Variants in CNTN3 observed in about 807,000 individuals in gnomAD.
CNTN3 encodes the protein contactin-3.
Under a neutral mutation model 119.1 loss-of-function variants are expected in CNTN3, and 60 were observed. The ratio of observed to expected loss-of-function variants is 0.50; its 90% CI spans 0.41 to 0.62. The LOEUF (loss-of-function observed/expected upper bound fraction) is 0.62, where lower values mean the gene tolerates loss of function less well. Ranked by LOEUF, CNTN3 falls within the 20% of genes least tolerant of loss-of-function variation. The pLI, the probability that CNTN3 is intolerant of heterozygous loss-of-function variation, is 0.00. For synonymous variants in CNTN3, 450 were observed against 438.7 expected, an observed-to-expected ratio of 1.03 and a Z score of -0.32; for missense variants, 1,101 against 1,242.4, an observed-to-expected ratio of 0.89 and a Z score of 1.71.
intron 6 of CNTN3, 38 bp from the exon 7 acceptor site, chr3:74,370,029 T>C: frequency 8.5e-7 from 1 of 1,175,514 alleles, no homozygotes; most frequent in Non-Finnish European, 1.2e-6. Context: ...GTTTCAATAT[T>C]TCCTTTAGAA....
chr3:74,473,812 GA>G (rs1702607326), intron 4 of CNTN3, among the ~76,000 whole-genome samples: 2 of 152,168 alleles, frequency 1.3e-5, no homozygotes, highest in African/African-American at 4.8e-5. Flanking sequence ...GGGTCTGGGT[GA>G]AAACATTCAC....
At chr3:74,425,043 C>CT (rs1208470073) in intron 4 of CNTN3, 103 bp from the exon 5 acceptor site, 14 of 751,748 alleles carry the variant, frequency 1.9e-5, no homozygotes, top group Non-Finnish European at 2.6e-5. Flanking sequence ...TTAGTTTTTG[C>CT]TTTTTTCTTT....
At chr3:74,288,159 C>CTTTTCTTTTCTTT (rs1487942663) in intron 19 of CNTN3, among the ~76,000 whole-genome samples, 4 of 90,376 alleles carry the variant, frequency 4.4e-5, no homozygotes, top group African/African-American at 1.3e-4. Context: ...CTTTTCTTTT[C>CTTTTCTTTTCTTT]TTTTTTTTTT....
At chr3:74,531,596 T>C (rs1012944199) in intron 1 of CNTN3, among the ~76,000 whole-genome samples, 3 of 151,768 alleles carry the variant, frequency 2.0e-5, no homozygotes, top group Admixed American at 1.3e-4. Context: ...GAGAAATGAC[T>C]CGGGGAAAGC....
chr3:74,539,805 T>C (rs530364726), intron 1 of CNTN3, among the ~76,000 whole-genome samples: 1 of 152,244 alleles, frequency 6.6e-6, no homozygotes, highest in East Asian at 1.9e-4. Context: ...AAAAAGAATG[T>C]GCAGTTACAA....
intron 1 of CNTN3, among the ~76,000 whole-genome samples, chr3:74,576,605 G>C (rs2106660299): frequency 6.6e-6 from 1 of 152,126 alleles, no homozygotes. Flanking sequence ...AAATCAGAGT[G>C]ATCACACTTA....
intron 1 of CNTN3, among the ~76,000 whole-genome samples, chr3:74,588,738 G>C (rs940429737): frequency 6.6e-6 from 1 of 152,120 alleles, no homozygotes; most frequent in African/African-American, 2.4e-5. Context: ...AAACAGCATG[G>C]TACTGGTACC....
At position 74,293,194 on chromosome 3, in the gene CNTN3, T is replaced by C. The variant is rs192422878; in HGVS notation, c.2517+1927A>G. ...TGGATTGAGTGGGTCCTGGGAGAGCTGTGGGAGCTCAATTTTAACAACACC... is the reference window on the plus strand; with the variant it reads ...TGGATTGAGTGGGTCCTGGGAGAGCCGTGGGAGCTCAATTTTAACAACACC... On this transcript the variant is annotated intron_variant, in intron 19 of 22. Coordinates refer to ENST00000263665, the MANE Select transcript of CNTN3 (RefSeq NM_020872.3). Among the ~76,000 whole-genome samples, 453 of 152,284 alleles carry C rather than the reference T, an allele frequency of 3.0e-3. 6 individuals carry two copies. The highest frequency in any genetic ancestry group is 0.011 in the African/African-American group (438 of 41,548).
At chr3:74,297,878 A>C in intron 18 of CNTN3, 79 bp downstream of exon 18, 1 of 1,093,600 alleles carries the variant, frequency 9.1e-7, no homozygotes, top group Non-Finnish European at 1.3e-6. Flanking sequence ...TTTGAAGTCA[A>C]AACGAGACTC....
At chr3:74,271,274 G>T (rs1701771153) in intron 20 of CNTN3, among the ~76,000 whole-genome samples, 1 of 152,120 alleles carries the variant, frequency 6.6e-6, no homozygotes, top group Admixed American at 6.6e-5. Context: ...CAGTATACAG[G>T]TAACAAAATA....
intron 13 of CNTN3, among the ~76,000 whole-genome samples, chr3:74,326,631 A>C (rs1216823031): frequency 6.6e-6 from 1 of 152,148 alleles, no homozygotes; most frequent in Non-Finnish European, 1.5e-5. Context: ...GCATCCAAGC[A>C]GTTGACTGAA....
chr3:74,500,444 A>G (rs1703147376), intron 2 of CNTN3, among the ~76,000 whole-genome samples: 1 of 151,536 alleles, frequency 6.6e-6, no homozygotes. Context: ...CCACCACCAA[A>G]TGCTTATGGG....
At chr3:74,348,850 A>G (rs1703753479) in intron 11 of CNTN3, among the ~76,000 whole-genome samples, 1 of 152,114 alleles carries the variant, frequency 6.6e-6, no homozygotes, top group African/African-American at 2.4e-5. Flanking sequence ...TGGAGGCAGA[A>G]GTAGGAGGAC....
chr3:74,584,922 C>T (rs1704570019), intron 1 of CNTN3, among the ~76,000 whole-genome samples: 1 of 152,100 alleles, frequency 6.6e-6, no homozygotes, highest in Non-Finnish European at 1.5e-5. Flanking sequence ...ATAATATCCT[C>T]AGTAAATTGG....
chr3:74,284,835 T>A (rs527335949), intron 20 of CNTN3, among the ~76,000 whole-genome samples: 2 of 152,318 alleles, frequency 1.3e-5, no homozygotes, highest in East Asian at 3.9e-4. Flanking sequence ...ATCAACACAT[T>A]CACAGGACCA....
intron 4 of CNTN3, among the ~76,000 whole-genome samples, chr3:74,448,181 A>G (rs1396919114): frequency 2.6e-5 from 4 of 152,180 alleles, no homozygotes; most frequent in Non-Finnish European, 4.4e-5. Context: ...GAGCAGGACT[A>G]TAATTTCATC....
chr3:74,500,188 A>G (rs530571471), intron 2 of CNTN3, among the ~76,000 whole-genome samples: 1 of 152,216 alleles, frequency 6.6e-6, no homozygotes, highest in East Asian at 1.9e-4. Context: ...TCGGCTTGGC[A>G]TGCAAACCTT....
At chr3:74,279,591 A>C (rs941483879) in intron 20 of CNTN3, among the ~76,000 whole-genome samples, 6 of 151,096 alleles carry the variant, frequency 4.0e-5, no homozygotes. Context: ...GCTAGCTATG[A>C]GGACGCAAAG....
At chr3:74,544,862 T>A (rs1385908419) in intron 1 of CNTN3, among the ~76,000 whole-genome samples, 1 of 152,104 alleles carries the variant, frequency 6.6e-6, no homozygotes, top group Non-Finnish European at 1.5e-5. Context: ...CCTCCCAAAG[T>A]GCTGGGATTA....
Sources: gnomAD v4.1 joint callset for allele counts (sites outside exome capture counted in the v4.1 genomes callset) on GRCh38, gnomAD v4.1.1 for gene constraint, MANE v1.5 for transcripts, NCBI Gene and HGNC (gene_info 2026-07-23, HGNC 2026-07-21) for gene names.